ATL3: variants seen among roughly 807,000 people sequenced by gnomAD.
The protein encoded by ATL3 is atlastin-3.
A neutral mutation model predicts 69.5 loss-of-function variants in ATL3; 49 were observed. The ratio of observed to expected loss-of-function variants is 0.71; its 90% CI spans 0.56 to 0.89. ATL3 has a LOEUF of 0.89. Among genes scored for constraint, ATL3 ranks in the 40% least tolerant of loss-of-function variants. The pLI, the probability that ATL3 is intolerant of heterozygous loss-of-function variation, is 0.00. For synonymous variants in ATL3, 214 were observed against 224.1 expected, an observed-to-expected ratio of 0.95 and a Z score of 0.40; for missense variants, 606 against 645.7, an observed-to-expected ratio of 0.94 and a Z score of 0.67.
At position 63,636,274 on chromosome 11, in the gene ATL3, G is replaced by A. The variant is rs757344746; in HGVS notation, c.911C>T (p.Ser304Phe). The A allele has an allele frequency of 1.3e-5, 21 of 1,613,944 alleles. 1 individual carries two copies. The highest frequency in any genetic ancestry group is 1.6e-5 in the Non-Finnish European group (19 of 1,180,014). Residue 304 changes from serine to phenylalanine, a missense_variant, in exon 9 of 13, where the codon TCT (serine) becomes TTT (phenylalanine). Physicochemically the swap from Ser to Phe is radical, Grantham distance 155. Coordinates refer to ENST00000398868, the MANE Select transcript of ATL3 (RefSeq NM_015459.5). ...ATTGATCTCCTTTTCCATTAACTTA[G>A]ATGGGTTTAATACATACGGTATCAG... ...QALIPYVLNP[S>F]KLMEKEINGS...
At chr11:63,636,151 A>G in intron 9 of ATL3, 56 bp downstream of exon 9, 3 of 1,571,958 alleles carry the variant, frequency 1.9e-6, no homozygotes, top group Non-Finnish European at 2.6e-6. Context: ...TTGATTTACG[A>G]GTGAGATCAG....
intron 3 of ATL3, among the ~76,000 whole-genome samples, chr11:63,653,555 G>A (rs1940146208): frequency 6.6e-6 from 1 of 152,042 alleles, no homozygotes; most frequent in Admixed American, 6.6e-5. Context: ...ATTTATAGGA[G>A]CTTTATTCTT....
rs1590728919 is a variant in ATL3 at position 63,644,060 on chromosome 11, T to C, written c.711+109A>G. The C allele has an allele frequency of 7.1e-6, 5 of 701,158 alleles. No homozygotes were observed. In the East Asian group the frequency reaches 1.0e-4, roughly 14 times the overall value. The allele number at this position is 701,158 out of a possible 1,614,324, so 43.4% of individuals were successfully genotyped here. ...TGTGTTAAGATTCATATATAGTTAA[T>C]GTATTCAATATCATTTTCAATAATT... is the stretch of plus-strand genomic sequence containing the variant. On this transcript the variant is annotated intron_variant, in intron 7 of 12. Coordinates refer to ENST00000398868, the MANE Select transcript of ATL3 (RefSeq NM_015459.5).
chr11:63,665,877 AAAG>A (rs1376829925), intron 1 of ATL3, among the ~76,000 whole-genome samples: 1 of 152,158 alleles, frequency 6.6e-6, no homozygotes, highest in African/African-American at 2.4e-5. Context: ...AAAAAAAAAA[AAAG>A]ATGTTGTTCA....
chr11:63,667,907 C>T (rs1438090315), intron 1 of ATL3, among the ~76,000 whole-genome samples: 1 of 152,064 alleles, frequency 6.6e-6, no homozygotes, highest in Admixed American at 6.6e-5. Context: ...GGCCTCTACC[C>T]ACTAGATACC....
At chr11:63,667,631 G>C (rs1940615952) in intron 1 of ATL3, among the ~76,000 whole-genome samples, 1 of 152,014 alleles carries the variant, frequency 6.6e-6, no homozygotes, top group African/African-American at 2.4e-5. Context: ...AGGCGTGGTG[G>C]TGCATGACTG....
At chr11:63,655,408 C>A (rs183493314) in intron 3 of ATL3, among the ~76,000 whole-genome samples, 2 of 152,088 alleles carry the variant, frequency 1.3e-5, no homozygotes, top group Non-Finnish European at 2.9e-5. Flanking sequence ...ACCCCAGCCT[C>A]CCAAAGTGCT....
intron 5 of ATL3, 56 bp from the exon 6 acceptor site, chr11:63,646,619 G>C: frequency 8.4e-7 from 1 of 1,183,616 alleles, no homozygotes; most frequent in Non-Finnish European, 1.2e-6. Context: ...ATAGTTCTAT[G>C]GCCTTTTTAG....
At chr11:63,664,785 T>G (rs1420985901) in intron 1 of ATL3, among the ~76,000 whole-genome samples, 1 of 151,594 alleles carries the variant, frequency 6.6e-6, no homozygotes, top group Non-Finnish European at 1.5e-5. Context: ...TTTTTGTATT[T>G]TTAGTAGATA....
intron 1 of ATL3, among the ~76,000 whole-genome samples, chr11:63,662,268 G>C (rs1940445462): frequency 6.6e-6 from 1 of 151,594 alleles, no homozygotes; most frequent in Admixed American, 6.6e-5. Flanking sequence ...TAGTAGCTGT[G>C]GACTTATGGG....
At chr11:63,635,417 T>G (rs2134471197) in intron 10 of ATL3, 117 bp downstream of exon 10, 2 of 884,282 alleles carry the variant, frequency 2.3e-6, no homozygotes, top group Middle Eastern at 2.3e-4. Context: ...TTAACAGACC[T>G]CAGCATGATG....
chr11:63,660,912 C>T (rs1184961590), intron 1 of ATL3, among the ~76,000 whole-genome samples: 1 of 151,808 alleles, frequency 6.6e-6, no homozygotes, highest in Non-Finnish European at 1.5e-5. Context: ...AATACTGCTC[C>T]ATTTTAAGAA....
Position 63,629,340 on chromosome 11 carries a change from G to A in ATL3, c.1605C>T (p.Ser535=), listed in dbSNP as rs748579422. 1.9e-6 allele frequency: 3 copies of A among 1,614,026 alleles called. No homozygotes were observed. Among genetic ancestry groups the A allele is most frequent in the Middle Eastern group, 3.3e-4 (2 of 6,060 alleles). ...TVRDAVVGRP[S]MDKKAQ is the part of the protein sequence containing the mutation. ...GATGCTATTGAGCTTTTTTATCCAT[G>A]GATGGTCTTCCAACAACTGCATCCC... Residue 535 remains serine (S), a synonymous_variant, in exon 13 of 13, where the codon TCC becomes TCT. Transcript: ENST00000398868.
chr11:63,659,807 G>A (rs576735277), intron 1 of ATL3, among the ~76,000 whole-genome samples: 19 of 151,014 alleles, frequency 1.3e-4, no homozygotes, highest in African/African-American at 3.2e-4. Flanking sequence ...GTGGTGGCAC[G>A]CACCTGTAAG....
intron 6 of ATL3, among the ~76,000 whole-genome samples, chr11:63,644,950 C>T (rs1939819735): frequency 6.6e-6 from 1 of 152,088 alleles, no homozygotes; most frequent in Non-Finnish European, 1.5e-5. Flanking sequence ...GGCACAGTGG[C>T]TCACGCCTGT....
At chr11:63,670,618 A>G (rs1396462073) in intron 1 of ATL3, 2 of 152,246 alleles carry the variant, frequency 1.3e-5, no homozygotes, top group African/African-American at 2.4e-5. Context: ...TCTTCGGGAA[A>G]GCAAAAGAAC....
intron 1 of ATL3, among the ~76,000 whole-genome samples, chr11:63,660,861 T>C (rs1940398693): frequency 6.6e-6 from 1 of 151,980 alleles, no homozygotes. Flanking sequence ...TACACATATA[T>C]ATATATTATT....
upstream of ATL3, chr11:63,671,601 C>T (rs967140622): frequency 4.7e-5 from 67 of 1,426,460 alleles, no homozygotes; most frequent in Non-Finnish European, 5.6e-5. Flanking sequence ...CCCGCCACCG[C>T]CTGCCGCGTG....
Position 63,631,145 on chromosome 11 carries a change from TCCAA to T in ATL3, c.1430_1433del (p.Val477AspfsTer4). 1 of 1,614,170 alleles carries T rather than the reference TCCAA, an allele frequency of 6.2e-7. No homozygotes were observed. The highest frequency in any genetic ancestry group is 8.5e-7 in the Non-Finnish European group (1 of 1,180,030). On this transcript the variant is annotated frameshift_variant, in exon 12 of 13. Coordinates refer to ENST00000398868, the MANE Select transcript of ATL3 (RefSeq NM_015459.5). LOFTEE classifies it high-confidence loss of function. Reference sequence around the variant, plus strand: ...AGGTGAGGAGTGCTATTAACAGTAGTCCAACCATACAGTTGAACAACTGGGCTAC... The same window carrying T: ...AGGTGAGGAGTGCTATTAACAGTAGTCCATACAGTTGAACAACTGGGCTAC...
Sources: gnomAD v4.1 joint callset for allele counts (sites outside exome capture counted in the v4.1 genomes callset) on GRCh38, gnomAD v4.1.1 for gene constraint, MANE v1.5 for transcripts, NCBI Gene and HGNC (gene_info 2026-07-23, HGNC 2026-07-21) for gene names.